The following RBPMS2 variants were observed in gnomAD, a reference collection of about 807,000 sequenced individuals.
RBPMS2 encodes RNA-binding protein with multiple splicing 2.
A neutral mutation model predicts 25.7 loss-of-function variants in RBPMS2; 14 were observed. That is an observed-to-expected ratio of 0.55 (90% confidence interval 0.36 to 0.85). The LOEUF (loss-of-function observed/expected upper bound fraction) is 0.85, where lower values mean the gene tolerates loss of function less well. RBPMS2 is among the 40% of genes least tolerant of loss of function. The probability of loss-of-function intolerance (pLI) is 0.01; values close to 1 mark genes in which losing one functional copy is unlikely to be tolerated. For missense variants in RBPMS2, 252 were observed against 283.4 expected, an observed-to-expected ratio of 0.89 and a Z score of 0.80; for synonymous variants, 127 against 115.6, an observed-to-expected ratio of 1.10 and a Z score of -0.63.
chr15:64,751,600 A>G lies in RBPMS2; in HGVS notation c.126T>C (p.Ile42=). ...AGAGCAAGTAGAGTTCTCTGGGTTT[A>G]ATGTCCACAGGGAGGCCGCTGACAA... ...TLFVSGLPVD[I]KPRELYLLFR... is the part of the protein sequence containing the mutation. The change falls in exon 2 of 8, where the codon ATT becomes ATC. Residue 42 remains isoleucine, a synonymous_variant. Coordinates refer to ENST00000300069, the MANE Select transcript of RBPMS2 (RefSeq NM_194272.3). The G allele has an allele frequency of 6.2e-7, 1 of 1,614,028 alleles. No homozygotes were observed. The highest frequency in any genetic ancestry group is 8.5e-7 in the Non-Finnish European group (1 of 1,179,994).
At chr15:64,751,199 G>A (rs2083675720) in intron 2 of RBPMS2, among the ~76,000 whole-genome samples, 1 of 151,992 alleles carries the variant, frequency 6.6e-6, no homozygotes, top group Non-Finnish European at 1.5e-5. Flanking sequence ...CGGGCATAAT[G>A]GCGCATGCCT....
intron 1 of RBPMS2, among the ~76,000 whole-genome samples, chr15:64,756,075 G>A (rs966996417): frequency 2.6e-5 from 4 of 152,110 alleles, no homozygotes; most frequent in African/African-American, 7.2e-5. Flanking sequence ...CAGGAACCAA[G>A]CCTCAAAACA....
chr15:64,741,838 A>G (rs2083564903), intron 6 of RBPMS2, among the ~76,000 whole-genome samples: 1 of 152,232 alleles, frequency 6.6e-6, no homozygotes, highest in Admixed American at 6.5e-5. Flanking sequence ...GTTCAAGACC[A>G]GCCTGGGCAA....
chr15:64,748,879 C>A lies in RBPMS2; in HGVS notation c.418+121G>T, dbSNP rs1169180027. Reference sequence around the variant, plus strand: ...GGGGAGGGAGGAAAACCAGGTGTTTCAAAAATGGGTGGCCGTGGACACAAA... The same window carrying A: ...GGGGAGGGAGGAAAACCAGGTGTTTAAAAAATGGGTGGCCGTGGACACAAA... On this transcript the variant is annotated intron_variant, in intron 5 of 7. Coordinates refer to ENST00000300069, the MANE Select transcript of RBPMS2 (RefSeq NM_194272.3). 8.5e-6 allele frequency: 10 copies of A among 1,181,004 alleles called. No homozygotes were observed. The Admixed American group carries it at 1.9e-4, about 22-fold the overall frequency. The allele number at this position is 1,181,004 out of a possible 1,614,324, so 73.2% of individuals were successfully genotyped here.
chr15:64,762,321 G>A (rs1567069163), intron 1 of RBPMS2: 2 of 517,710 alleles, frequency 3.9e-6, no homozygotes, highest in Non-Finnish European at 7.9e-6. Flanking sequence ...CTGAGTGTGA[G>A]TGGCCTTGTG....
intron 4 of RBPMS2, 51 bp from the exon 5 acceptor site, chr15:64,749,201 T>A (rs770856928): frequency 1.2e-6 from 2 of 1,602,470 alleles, no homozygotes; most frequent in Admixed American, 3.3e-5. Flanking sequence ...GGACCCAGAG[T>A]GTTAATGGCA....
At chr15:64,774,368 T>C (rs1188287403) in intron 1 of RBPMS2, among the ~76,000 whole-genome samples, 2 of 152,120 alleles carry the variant, frequency 1.3e-5, no homozygotes, top group African/African-American at 4.8e-5. Flanking sequence ...TAGCTCCTCG[T>C]CCCTATTCAC....
chr15:64,749,377 C>T (rs1282666176), intron 4 of RBPMS2, 54 bp downstream of exon 4: 2 of 1,496,004 alleles, frequency 1.3e-6, no homozygotes, highest in Non-Finnish European at 1.9e-6. Context: ...CATCTGCACA[C>T]CCACTGCCTA....
intron 1 of RBPMS2, among the ~76,000 whole-genome samples, chr15:64,758,877 T>C (rs566202185): frequency 6.8e-4 from 104 of 152,228 alleles, no homozygotes; most frequent in South Asian, 1.9e-3. Context: ...TTGAGCTCTC[T>C]CCCGCCAGCC....
At chr15:64,766,021 C>A (rs886312918) in intron 1 of RBPMS2, among the ~76,000 whole-genome samples, 1 of 152,034 alleles carries the variant, frequency 6.6e-6, no homozygotes, top group Non-Finnish European at 1.5e-5. Flanking sequence ...AGCTCCTATG[C>A]CAGTATCCTC....
At chr15:64,742,160 C>T (rs2083568990) in intron 6 of RBPMS2, among the ~76,000 whole-genome samples, 2 of 152,154 alleles carry the variant, frequency 1.3e-5, no homozygotes, top group Admixed American at 1.3e-4. Flanking sequence ...AACAAAACTC[C>T]GTCTCCAACA....
chr15:64,745,997 T>G (rs1162955227), intron 6 of RBPMS2, among the ~76,000 whole-genome samples: 1 of 152,148 alleles, frequency 6.6e-6, no homozygotes, highest in Non-Finnish European at 1.5e-5. Context: ...TTCAAAACAA[T>G]TCACTTAAGA....
In RBPMS2 at chr15:64,748,495, T is replaced by C. The variant is rs757519713; in HGVS notation, c.491A>G (p.Glu164Gly). Residue 164 changes from glutamate (E) to glycine (G), a missense_variant, in exon 6 of 8, where the codon GAG (glutamate) becomes GGG (glycine). Coordinates refer to ENST00000300069, the MANE Select transcript of RBPMS2 (RefSeq NM_194272.3). ...AWAPYPLYTT[E>G]LTPAISHAAF... ...AGCATGGGAGATGGCTGGGGTCAGC[T>C]CTGTGGTGTACAAAGGGTAGGGGGC... is the stretch of plus-strand genomic sequence containing the variant. The C allele has an allele frequency of 1.2e-6, 2 of 1,613,776 alleles. No individual in the cohort carries two copies. The highest frequency in any genetic ancestry group is 2.2e-5 in the South Asian group (2 of 91,058).
intron 1 of RBPMS2, among the ~76,000 whole-genome samples, chr15:64,766,693 T>A (rs1595795173): frequency 2.7e-5 from 4 of 149,148 alleles, no homozygotes. Flanking sequence ...ACCCGGCTAA[T>A]TTTTTTTTTG....
intron 6 of RBPMS2, among the ~76,000 whole-genome samples, chr15:64,747,699 C>T (rs1267602558): frequency 6.6e-6 from 1 of 152,188 alleles, no homozygotes; most frequent in African/African-American, 2.4e-5. Flanking sequence ...CCAGAGGAAG[C>T]GCCTGCATGG....
chr15:64,748,464 G>A lies in RBPMS2; in HGVS notation c.522C>T (p.Phe174=). Residue 174 remains phenylalanine, a synonymous_variant, in exon 6 of 8, where the codon TTC becomes TTT. Transcript: ENST00000300069. ...ELTPAISHAA[F]TYPTATAAAA... ...CAGCGGCAGTGGCAGTTGGGTAGGT[G>A]AACGCAGCATGGGAGATGGCTGGGG... 1 of 1,614,152 alleles carries A rather than the reference G, an allele frequency of 6.2e-7. No homozygotes were observed. Among genetic ancestry groups the A allele is most frequent in the Non-Finnish European group, 8.5e-7 (1 of 1,180,012 alleles).
At chr15:64,755,416 C>T (rs561760654) in intron 1 of RBPMS2, among the ~76,000 whole-genome samples, 1 of 152,208 alleles carries the variant, frequency 6.6e-6, no homozygotes, top group South Asian at 2.1e-4. Flanking sequence ...CAAACACCCG[C>T]CTTGGTTCCT....
Position 64,748,909 on chromosome 15 carries a change from C to G in RBPMS2, c.418+91G>C, listed in dbSNP as rs1366650765. On this transcript the variant is annotated intron_variant, in intron 5 of 7. Coordinates refer to ENST00000300069, the MANE Select transcript of RBPMS2 (RefSeq NM_194272.3). ...ATGGGTGGCCGTGGACACAAAAAGC[C>G]TCCTGGAAAAGGGGCTTCCCTCTGC... The G allele has an allele frequency of 2.3e-5, 33 of 1,455,578 alleles. No homozygotes were observed. The East Asian group carries it at 7.0e-4, about 31-fold the overall frequency. 90.2% of individuals were successfully genotyped at this position (1,455,578 alleles called of 1,614,324 possible).
At chr15:64,765,297 C>T (rs1455264730) in intron 1 of RBPMS2, among the ~76,000 whole-genome samples, 1 of 150,444 alleles carries the variant, frequency 6.6e-6, no homozygotes, top group Non-Finnish European at 1.5e-5. Context: ...CACCTGTAGT[C>T]CCAGCTACTC....
Sources: gnomAD v4.1 joint callset for allele counts (sites outside exome capture counted in the v4.1 genomes callset) on GRCh38, gnomAD v4.1.1 for gene constraint, MANE v1.5 for transcripts, NCBI Gene and HGNC (gene_info 2026-07-23, HGNC 2026-07-21) for gene names.